Variants in CCDC61 observed in about 807,000 individuals in gnomAD.
CCDC61 encodes the protein centrosomal protein CCDC61.
Under a neutral mutation model 63.0 loss-of-function variants are expected in CCDC61, and 55 were observed. The ratio of observed to expected loss-of-function variants is 0.87; its 90% CI spans 0.70 to 1.09. CCDC61 has a LOEUF of 1.09. Ranked by LOEUF, CCDC61 falls within the 50% of genes least tolerant of loss-of-function variation. The pLI is 0.00. For synonymous variants in CCDC61, 270 were observed against 317.0 expected (o/e 0.85, Z 1.58); for missense variants, 651 against 731.4 (o/e 0.89, Z 1.27).
chr19:46,008,651 T>C (rs1177019917), intron 5 of CCDC61, among the ~76,000 whole-genome samples: 1 of 152,148 alleles, frequency 6.6e-6, no homozygotes, highest in Non-Finnish European at 1.5e-5. Flanking sequence ...TCAAGTGATC[T>C]GCCCGCGTTG....
Position 46,016,232 on chromosome 19 carries a change from C to A in CCDC61, c.1015+9C>A. On this transcript the variant is annotated intron_variant, in intron 8 of 13. Transcript: ENST00000595358. The surrounding 1 kb of genome is among the most constrained non-coding windows in gnomAD (Gnocchi z 7.2). ...CTCGCCCTCGCCCACAGGTCTGTGC[C>A]CCTGCCCTGCGGTAGGGAGGGGACG... 1 of 1,568,444 alleles carries A rather than the reference C, an allele frequency of 6.4e-7. No individual in the cohort carries two copies. Among genetic ancestry groups the A allele is most frequent in the South Asian group, 1.2e-5 (1 of 84,748 alleles).
Position 46,016,181 on chromosome 19 carries a change from C to T in CCDC61, c.973C>T (p.Arg325Trp). The T allele has an allele frequency of 1.5e-6, 2 of 1,310,720 alleles. No individual in the cohort carries two copies. Among genetic ancestry groups the T allele is most frequent in the Non-Finnish European group, 9.7e-7 (1 of 1,031,578 alleles). The allele number at this position is 1,310,720 out of a possible 1,614,324, so 81.2% of individuals were successfully genotyped here. A position where few individuals can be genotyped will look rare whatever the true frequency, so the allele number is the denominator to read the frequency against. The change falls in exon 8 of 14, where the codon CGG (arginine) becomes TGG (tryptophan). Residue 325 changes from arginine (R) to tryptophan (W), a missense_variant. Physicochemically the swap from Arg to Trp is moderately radical, Grantham distance 101 (BLOSUM62 -3). Transcript: ENST00000595358. The surrounding 1 kb of genome is among the most constrained non-coding windows in gnomAD (Gnocchi z 7.2). ...SSSRESGRGS[R>W]GRGRPARPSP... ...ATCCCGGGAGAGCGGCCGCGGGAGC[C>T]GGGGTCGGGGCCGCCCTGCGCGCCC... is the stretch of plus-strand genomic sequence containing the variant.
Position 46,006,669 on chromosome 19 carries a change from C to T in CCDC61, c.342C>T (p.Leu114=), listed in dbSNP as rs1220569368. 6.2e-7 allele frequency: 1 copy of T among 1,613,726 alleles called. No homozygotes were observed. Among genetic ancestry groups the T allele is most frequent in the Non-Finnish European group, 8.5e-7 (1 of 1,179,776 alleles). ...PGSLAPRSAQ[L]NSKRYLILIY... ...CCTTGGCCCCCAGGTCGGCCCAGCT[C>T]AACTCCAAGCGCTACCTGATCCTCA... Residue 114 remains leucine (L), a synonymous_variant, in exon 4 of 14, where the codon CTC becomes CTT. Transcript: ENST00000595358.
Position 46,018,189 on chromosome 19 carries a change from G to A in CCDC61, c.1441+39G>A, listed in dbSNP as rs546787033. 16 of 1,575,222 alleles carry A rather than the reference G, an allele frequency of 1.0e-5. No homozygotes were observed. The East Asian group carries it at 3.5e-4, about 35-fold the overall frequency. On this transcript the variant is annotated intron_variant, in intron 13 of 13. Transcript: ENST00000595358. This position sits in a 1 kb window ranked among gnomAD's most constrained non-coding sequence, Gnocchi z 4.2. ...TCCACATCCCCTCTCCCAGCCCCAG[G>A]ACCCGTTGGAATGGTAGTGCGGGCA...
At chr19:46,010,289 C>T (rs1968804004) in intron 5 of CCDC61, among the ~76,000 whole-genome samples, 2 of 152,214 alleles carry the variant, frequency 1.3e-5, no homozygotes, top group Non-Finnish European at 2.9e-5. Context: ...GAGTTGAATG[C>T]AGGGCGCCCG....
Position 46,017,241 on chromosome 19 carries a change from T to C in CCDC61, c.1311-6T>C. Reference sequence around the variant, plus strand: ...CCACTGGTCCTTGGTTACTCCTTTTTCTCAGGGGTCACCGCCGCCGTGGGA... The same window carrying C: ...CCACTGGTCCTTGGTTACTCCTTTTCCTCAGGGGTCACCGCCGCCGTGGGA... On this transcript the variant is annotated splice_region_variant and splice_polypyrimidine_tract_variant and intron_variant, in intron 11 of 13. Transcript: ENST00000595358. The C allele has an allele frequency of 6.4e-7, 1 of 1,560,786 alleles. No homozygotes were observed. The highest frequency in any genetic ancestry group is 1.2e-5 in the South Asian group (1 of 84,690).
rs762693470 is a variant in CCDC61 at position 46,008,300 on chromosome 19, C to G, written c.550C>G (p.Gln184Glu). The G allele has an allele frequency of 6.9e-7, 1 of 1,453,748 alleles. No individual in the cohort carries two copies. Among genetic ancestry groups the G allele is most frequent in the East Asian group, 2.7e-5 (1 of 37,148 alleles). The allele number at this position is 1,453,748 out of a possible 1,614,324, so 90.1% of individuals were successfully genotyped here. A position where few individuals can be genotyped will look rare whatever the true frequency, so the allele number is the denominator to read the frequency against. ...RENEIWHLREQVSRLASEKRE... is the reference protein window; with the variant it reads ...RENEIWHLREEVSRLASEKRE... ...GAATGAGATCTGGCATCTGCGGGAG[C>G]AGTGAGTCTTGGAGGGGTGGGCAGC... Residue 184 changes from glutamine to glutamate, a missense_variant and splice_region_variant, in exon 5 of 14, where the codon CAG becomes GAG. Transcript: ENST00000595358.
intron 1 of CCDC61, among the ~76,000 whole-genome samples, chr19:46,001,805 A>G (rs77056435): frequency 0.029 from 4,400 of 152,254 alleles, 99 homozygotes; most frequent in East Asian, 0.091. Context: ...AGGTTTTGGG[A>G]CTATTCATTT....
At chr19:46,004,805 G>C (rs1029453131) in intron 3 of CCDC61, among the ~76,000 whole-genome samples, 2 of 145,200 alleles carry the variant, frequency 1.4e-5, no homozygotes, top group Non-Finnish European at 3.0e-5. Context: ...TTAGAACTTA[G>C]AGTGACAGGG....
intron 4 of CCDC61, among the ~76,000 whole-genome samples, chr19:46,007,231 TAG>T (rs774030116): frequency 2.0e-5 from 3 of 152,084 alleles, no homozygotes; most frequent in Non-Finnish European, 4.4e-5. Flanking sequence ...GTATTTTTAG[TAG>T]AGACGGGGTT....
In CCDC61 at chr19:46,016,240, T is replaced by A; in HGVS notation, c.1015+17T>A. 1 of 1,582,092 alleles carries A rather than the reference T, an allele frequency of 6.3e-7. No individual in the cohort carries two copies. The highest frequency in any genetic ancestry group is 8.6e-7 in the Non-Finnish European group (1 of 1,164,766). On this transcript the variant is annotated intron_variant, in intron 8 of 13. Transcript: ENST00000595358. This position sits in a 1 kb window ranked among gnomAD's most constrained non-coding sequence, Gnocchi z 7.2. ...CGCCCACAGGTCTGTGCCCCTGCCC[T>A]GCGGTAGGGAGGGGACGCACTGGCG...
At chr19:46,002,035 C>T (rs1968600462) in intron 1 of CCDC61, among the ~76,000 whole-genome samples, 1 of 152,182 alleles carries the variant, frequency 6.6e-6, no homozygotes, top group African/African-American at 2.4e-5. Flanking sequence ...CCTCTGCCTC[C>T]TGGCTTCAAG....
At chr19:46,001,096 G>A (rs555298502) in intron 1 of CCDC61, among the ~76,000 whole-genome samples, 1 of 152,018 alleles carries the variant, frequency 6.6e-6, no homozygotes, top group African/African-American at 2.4e-5. Flanking sequence ...GGAGCCGGAG[G>A]GGGTGGGGTT....
chr19:46,016,347 G>A lies in CCDC61; in HGVS notation c.1045G>A (p.Ala349Thr). The A allele has an allele frequency of 6.2e-7, 1 of 1,613,978 alleles. No homozygotes were observed. The highest frequency in any genetic ancestry group is 8.5e-7 in the Non-Finnish European group (1 of 1,179,880). Residue 349 changes from alanine (A) to threonine (T), a missense_variant, in exon 9 of 14, where the codon GCC (alanine) becomes ACC (threonine). By Grantham distance (58) the Ala-to-Thr change is moderately conservative. Transcript: ENST00000595358. This position sits in a 1 kb window ranked among gnomAD's most constrained non-coding sequence, Gnocchi z 7.2. ...GGRALRFDPT[A>T]FVKAKERKQR... Reference sequence around the variant, plus strand: ...TCGCGCGCTCCGCTTCGACCCCACGGCCTTTGTGAAAGCCAAGGAAAGGAA... The same window carrying A: ...TCGCGCGCTCCGCTTCGACCCCACGACCTTTGTGAAAGCCAAGGAAAGGAA...
At chr19:46,011,223 A>T (rs566538018) in intron 5 of CCDC61, among the ~76,000 whole-genome samples, 3 of 151,058 alleles carry the variant, frequency 2.0e-5, no homozygotes, top group Non-Finnish European at 1.5e-5. Flanking sequence ...TAATTTTCAT[A>T]TTTTTTTATA....
chr19:46,000,896 G>A (rs964393986), intron 1 of CCDC61, among the ~76,000 whole-genome samples: 3 of 151,752 alleles, frequency 2.0e-5, no homozygotes, highest in African/African-American at 7.3e-5. Context: ...GGTTTCTGCC[G>A]AGCAGTGGGG....
chr19:46,018,493 C>T lies in CCDC61; in HGVS notation c.*106C>T, dbSNP rs1273936216. ...GCCCTGCCCAGTCCCTGCCCTGGCC[C>T]CGTCCCTCCTGCTGCCCCTGGGGTC... On this transcript the variant is annotated 3_prime_UTR_variant, in exon 14 of 14. Transcript: ENST00000595358. The surrounding 1 kb of genome is among the most constrained non-coding windows in gnomAD (Gnocchi z 4.2). 1.2e-6 allele frequency: 1 copy of T among 842,574 alleles called. No individual in the cohort carries two copies. Among genetic ancestry groups the T allele is most frequent in the African/African-American group, 1.7e-5 (1 of 58,926 alleles). 52.2% of individuals were successfully genotyped at this position (842,574 alleles called of 1,614,324 possible). A position where few individuals can be genotyped will look rare whatever the true frequency, so the allele number is the denominator to read the frequency against.
chr19:46,017,159 C>G, intron 11 of CCDC61, 88 bp from the exon 12 acceptor site: 1 of 1,533,598 alleles, frequency 6.5e-7, no homozygotes, highest in South Asian at 1.2e-5. Context: ...GGTGATGGAG[C>G]CTGGGGGCCT....
At chr19:46,003,978 G>A (rs999742394) in intron 3 of CCDC61, among the ~76,000 whole-genome samples, 22 of 151,036 alleles carry the variant, frequency 1.5e-4, no homozygotes, top group African/African-American at 4.1e-4. Flanking sequence ...TCGCTCTGTC[G>A]CCCAGGCTGG....
Sources: allele counts gnomAD v4.1 joint callset (sites outside exome capture counted in the v4.1 genomes callset), GRCh38; gene constraint gnomAD v4.1.1; non-coding constraint Gnocchi (gnomAD v3.1); transcripts MANE v1.5; gene names NCBI Gene and HGNC (gene_info 2026-07-23, HGNC 2026-07-21).